The following RELN variants were observed in gnomAD, a reference collection of about 807,000 sequenced individuals.
RELN encodes the protein reelin.
In RELN, 108 loss-of-function variants were observed where a neutral mutation model predicts 427.6. That is an observed-to-expected ratio of 0.25 (90% CI 0.22 to 0.30). RELN has a LOEUF of 0.30. RELN is among the 10% of genes least tolerant of loss of function. RELN has a pLI of 1.00. For synonymous variants in RELN, 1,524 were observed against 1,513.4 expected, an observed-to-expected ratio of 1.01 and a Z score of -0.16; for missense variants, 3,715 against 4,302.8, an observed-to-expected ratio of 0.86 and a Z score of 3.82.
chr7:103,558,855 C>T (rs1023356183), intron 36 of RELN, among the ~76,000 whole-genome samples: 6 of 152,226 alleles, frequency 3.9e-5, no homozygotes, highest in South Asian at 4.1e-4. Flanking sequence ...TACGGATGCA[C>T]GGCTGTGTGA....
At chr7:103,617,136 G>A (rs1488428042) in intron 20 of RELN, among the ~76,000 whole-genome samples, 1 of 152,144 alleles carries the variant, frequency 6.6e-6, no homozygotes, top group East Asian at 1.9e-4. Context: ...AAGAAGTTTA[G>A]AAGCTATTCA....
chr7:103,882,690 G>C (rs1031170260), intron 2 of RELN, among the ~76,000 whole-genome samples: 4 of 152,124 alleles, frequency 2.6e-5, no homozygotes, highest in African/African-American at 9.7e-5. Flanking sequence ...AGAAAATCCA[G>C]AAGAAATGGA....
At chr7:103,943,521 G>A (rs1481301692) in intron 1 of RELN, among the ~76,000 whole-genome samples, 1 of 152,032 alleles carries the variant, frequency 6.6e-6, no homozygotes, top group African/African-American at 2.4e-5. Flanking sequence ...GAAGTGTTAG[G>A]TGAGTTCACA....
At chr7:103,481,218 T>C (rs1240525996) in intron 63 of RELN, among the ~76,000 whole-genome samples, 2 of 152,192 alleles carry the variant, frequency 1.3e-5, no homozygotes, top group East Asian at 3.9e-4. Context: ...ATGATATGTC[T>C]CTGAAATCCA....
intron 8 of RELN, among the ~76,000 whole-genome samples, chr7:103,716,939 T>A (rs1031684927): frequency 6.6e-6 from 1 of 152,192 alleles, no homozygotes; most frequent in African/African-American, 2.4e-5. Context: ...TTTCTTCTCA[T>A]CCTGTAGTTC....
intron 47 of RELN, among the ~76,000 whole-genome samples, 160 bp from the exon 48 acceptor site, chr7:103,522,359 C>A (rs528676074): frequency 6.6e-6 from 1 of 152,274 alleles, no homozygotes; most frequent in Non-Finnish European, 1.5e-5. Flanking sequence ...CTTAACTGTA[C>A]TTTAGGTTAC....
At chr7:103,513,906 T>C (rs1157427428) in intron 50 of RELN, 2 of 152,228 alleles carry the variant, frequency 1.3e-5, no homozygotes, top group African/African-American at 4.8e-5. Context: ...CTGAGTGATT[T>C]TTATTTTCAT....
intron 3 of RELN, among the ~76,000 whole-genome samples, chr7:103,785,153 T>C (rs200660735): frequency 6.6e-6 from 1 of 152,158 alleles, no homozygotes; most frequent in East Asian, 1.9e-4. Flanking sequence ...AGAGTATCCT[T>C]AAACTAACTG....
intron 2 of RELN, among the ~76,000 whole-genome samples, chr7:103,885,459 C>G (rs141551170): frequency 0.024 from 3,673 of 152,088 alleles, 136 homozygotes; most frequent in African/African-American, 0.084. Context: ...AAGCTGGAAA[C>G]CATCAGTCTC....
chr7:103,770,470 C>T (rs185356981), intron 4 of RELN, among the ~76,000 whole-genome samples: 125 of 152,290 alleles, frequency 8.2e-4, no homozygotes, highest in African/African-American at 3.0e-3. Flanking sequence ...CCTTCTCCCA[C>T]ACTGCAACAA....
chr7:103,561,588 T>C lies in RELN; in HGVS notation c.5473A>G (p.Arg1825Gly). 3 of 1,613,852 alleles carry C rather than the reference T, an allele frequency of 1.9e-6. No homozygotes were observed. Among genetic ancestry groups the C allele is most frequent in the Middle Eastern group, 1.6e-4 (1 of 6,062 alleles). The change falls in exon 36 of 65, where the codon AGG becomes GGG. Residue 1825 changes from arginine (R) to glycine (G), a missense_variant. This residue lies in a region of RELN where 2,208 missense variants were observed against 2,361.7 expected (regional missense o/e 0.93). Coordinates refer to ENST00000428762, the MANE Select transcript of RELN (RefSeq NM_005045.4). ...DLWPEVYGAE[R>G]GNLNGETIKS... Reference sequence around the variant, plus strand: ...ATGGTTTCACCATTCAGATTCCCCCTCTCTGCACCATACACTTCAGGCCAA... The same window carrying C: ...ATGGTTTCACCATTCAGATTCCCCCCCTCTGCACCATACACTTCAGGCCAA...
chr7:103,745,175 T>A (rs992749063), intron 6 of RELN, among the ~76,000 whole-genome samples: 1 of 152,090 alleles, frequency 6.6e-6, no homozygotes, highest in Non-Finnish European at 1.5e-5. Flanking sequence ...CCCATGATTA[T>A]CTCAATAGAT....
At chr7:103,813,583 C>T (rs145600349) in intron 3 of RELN, among the ~76,000 whole-genome samples, 2,666 of 151,994 alleles carry the variant, frequency 0.018, 31 homozygotes, top group Non-Finnish European at 0.025. Context: ...TATATATGTA[C>T]GTACAATAAT....
intron 3 of RELN, among the ~76,000 whole-genome samples, chr7:103,788,454 C>CA (rs1353109057): frequency 6.6e-6 from 1 of 152,166 alleles, no homozygotes; most frequent in Non-Finnish European, 1.5e-5. Flanking sequence ...CGTCTCAGCC[C>CA]AAAATCTCCT....
At chr7:103,636,592 G>A in intron 17 of RELN, 124 bp from the exon 18 acceptor site, 1 of 725,666 alleles carries the variant, frequency 1.4e-6, no homozygotes, top group Non-Finnish European at 2.5e-6. Flanking sequence ...AGGCTCATTA[G>A]TCTTTGGAGA....
chr7:103,681,905 T>A (rs146958797), intron 11 of RELN, among the ~76,000 whole-genome samples: 2 of 152,202 alleles, frequency 1.3e-5, no homozygotes, highest in African/African-American at 4.8e-5. Flanking sequence ...CTTAAAAGCA[T>A]TTGCAATCAC....
At chr7:103,722,294 T>G (rs1012929774) in intron 8 of RELN, among the ~76,000 whole-genome samples, 29 of 152,096 alleles carry the variant, frequency 1.9e-4, no homozygotes, top group African/African-American at 6.8e-4. Flanking sequence ...AATAGAAGAA[T>G]CCTGAGAGAA....
chr7:103,930,743 T>C (rs954821290), intron 1 of RELN, among the ~76,000 whole-genome samples: 6 of 152,130 alleles, frequency 3.9e-5, no homozygotes, highest in Non-Finnish European at 7.4e-5. Context: ...ACTGGGATTA[T>C]AGGCATGAGC....
chr7:103,561,617 T>C lies in RELN; in HGVS notation c.5444A>G (p.Asp1815Gly). 1.2e-6 allele frequency: 2 copies of C among 1,613,730 alleles called. No homozygotes were observed. ...TGCACCATACACTTCAGGCCAAAGG[T>C]CAGGATGTAAATTCCCATTGAAATC... The part of the protein sequence containing the change: ...KDDFNGNLHP[D>G]LWPEVYGAER... Residue 1815 changes from aspartate (D) to glycine (G), a missense_variant, in exon 36 of 65, where the codon GAC (aspartate) becomes GGC (glycine). Coordinates refer to ENST00000428762, the MANE Select transcript of RELN (RefSeq NM_005045.4).
Sources: allele counts gnomAD v4.1 joint callset (sites outside exome capture counted in the v4.1 genomes callset), GRCh38; gene constraint gnomAD v4.1.1; regional missense constraint gnomAD v4.1.1; transcripts MANE v1.5; gene names NCBI Gene and HGNC (gene_info 2026-07-23, HGNC 2026-07-21).